EML6: variants seen among roughly 807,000 people sequenced by gnomAD.
EML6 encodes the protein EMAP like 6, also known as echinoderm microtubule-associated protein-like 6.
A neutral mutation model predicts 240.1 loss-of-function variants in EML6; 154 were observed. The observed-to-expected ratio is 0.64, with a 90% CI of 0.56 to 0.73. The LOEUF (loss-of-function observed/expected upper bound fraction) is 0.73. Among genes scored for constraint, EML6 ranks in the 30% least tolerant of loss-of-function variants. The pLI, the probability that EML6 is intolerant of heterozygous loss-of-function variation, is 0.00. For missense variants in EML6, 2,964 were observed against 2,474.6 expected (o/e 1.20, Z -4.20); for synonymous variants, 1,148 against 899.0 (o/e 1.28, Z -4.95).
At chr2:54,895,662 T>C (rs1325231906) in intron 21 of EML6, among the ~76,000 whole-genome samples, 1 of 152,232 alleles carries the variant, frequency 6.6e-6, no homozygotes, top group Non-Finnish European at 1.5e-5. Context: ...TTTTATAAGG[T>C]TGCAATAAAG....
At chr2:54,866,675 C>A in intron 13 of EML6, 91 bp from the exon 14 acceptor site, 2 of 605,876 alleles carry the variant, frequency 3.3e-6, no homozygotes, top group South Asian at 2.9e-5. Context: ...TTTATTGAAG[C>A]AATTAAAGAT....
intron 28 of EML6, among the ~76,000 whole-genome samples, chr2:54,947,540 C>T (rs899117601): frequency 2.2e-5 from 3 of 138,306 alleles, no homozygotes; most frequent in Non-Finnish European, 5.0e-5. Context: ...GCAGGCTGAC[C>T]TACCAAGAAA....
chr2:54,914,891 C>G lies in EML6; in HGVS notation c.3499-1868C>G, dbSNP rs547840187. On this transcript the variant is annotated intron_variant, in intron 25 of 41. Coordinates refer to ENST00000356458, the MANE Select transcript of EML6 (RefSeq NM_001039753.4). Reference sequence around the variant, plus strand: ...ATGCCCATTTCAAATCCATCTGATACAAATGGTACAGTTAAAGCAGCACCA... The same window carrying G: ...ATGCCCATTTCAAATCCATCTGATAGAAATGGTACAGTTAAAGCAGCACCA... 8.0e-4 allele frequency among the ~76,000 whole-genome samples: 122 copies of G among 152,218 alleles called. 2 individuals carry two copies. The highest frequency in any genetic ancestry group is 2.9e-3 in the African/African-American group (120 of 41,520).
rs1161369581 is a variant in EML6, at chr2:54,970,875, T to G, written c.*780T>G. On this transcript the variant is annotated 3_prime_UTR_variant, in exon 42 of 42. Coordinates refer to ENST00000356458, the MANE Select transcript of EML6 (RefSeq NM_001039753.4). ...CATCGGTTACCTGCTTATGGGAAGG[T>G]GAGCAGCAAAGGAATTGAAGTTCGG... 6.6e-6 allele frequency: 1 copy of G among 152,168 alleles called. No individual in the cohort carries two copies. Among genetic ancestry groups the G allele is most frequent in the Non-Finnish European group, 1.5e-5 (1 of 68,042 alleles). The allele number at this position is 152,168 out of a possible 1,614,324, so 9.4% of individuals were successfully genotyped here.
At chr2:54,932,323 G>A (rs564826138) in intron 28 of EML6, among the ~76,000 whole-genome samples, 22 of 152,194 alleles carry the variant, frequency 1.4e-4, no homozygotes, top group Admixed American at 3.3e-4. Flanking sequence ...CAGCTGCCAC[G>A]TGTGGTGTGT....
intron 7 of EML6, among the ~76,000 whole-genome samples, chr2:54,836,995 G>A (rs6545446): frequency 0.18 from 27,345 of 152,104 alleles, 2,466 homozygotes; most frequent in Admixed American, 0.21. Flanking sequence ...TTCCTGAGGG[G>A]CTGCAAGGGC....
chr2:54,738,531 A>G (rs1410124166), intron 2 of EML6, among the ~76,000 whole-genome samples: 1 of 152,174 alleles, frequency 6.6e-6, no homozygotes, highest in East Asian at 1.9e-4. Flanking sequence ...AAAAATCAAT[A>G]CCATCCATAC....
At position 54,832,743 on chromosome 2, in the gene EML6, C is replaced by A. The variant is rs531213127; in HGVS notation, c.847+3266C>A. Among the ~76,000 whole-genome samples the A allele has an allele frequency of 9.9e-5, 14 of 141,774 alleles. 1 individual carries two copies. In the South Asian group the frequency reaches 3.0e-3, roughly 30 times the overall value. The allele number at this position is 141,774 out of a possible 152,430, so 93.0% of individuals were successfully genotyped here. On this transcript the variant is annotated intron_variant, in intron 7 of 41. Coordinates refer to ENST00000356458, the MANE Select transcript of EML6 (RefSeq NM_001039753.4). Reference sequence around the variant, plus strand: ...ATGGTCAGGTGTCCTGTCCTCCCCACCCCCCCGCCAACCCCTCATCCCTTC... The same window carrying A: ...ATGGTCAGGTGTCCTGTCCTCCCCAACCCCCCGCCAACCCCTCATCCCTTC...
chr2:54,859,480 A>G (rs1670561988), intron 11 of EML6, 54 bp from the exon 12 acceptor site: 3 of 1,424,254 alleles, frequency 2.1e-6, no homozygotes, highest in Middle Eastern at 1.8e-4. Flanking sequence ...GTTGTTTTAA[A>G]CTAATGAACT....
intron 7 of EML6, among the ~76,000 whole-genome samples, chr2:54,842,470 G>C (rs1328976551): frequency 3.9e-5 from 6 of 152,074 alleles, no homozygotes; most frequent in Non-Finnish European, 5.9e-5. Flanking sequence ...ATATCTTAAG[G>C]GGAGAAAAAT....
chr2:54,831,455 G>T (rs1038357600), intron 7 of EML6, among the ~76,000 whole-genome samples: 2 of 152,088 alleles, frequency 1.3e-5, no homozygotes, highest in Non-Finnish European at 2.9e-5. Context: ...GTGTGGTACT[G>T]ATCACATCAG....
intron 2 of EML6, among the ~76,000 whole-genome samples, chr2:54,730,324 T>C (rs1335778475): frequency 6.6e-6 from 1 of 152,218 alleles, no homozygotes; most frequent in African/African-American, 2.4e-5. Context: ...GAGACAGGTC[T>C]AACAGCCATG....
intron 13 of EML6, among the ~76,000 whole-genome samples, chr2:54,864,770 T>G (rs1573027072): frequency 6.6e-6 from 1 of 152,354 alleles, no homozygotes; most frequent in South Asian, 2.1e-4. Context: ...TACCTAGGCT[T>G]ATCTCCAAAG....
At chr2:54,789,081 C>A (rs1007293052) in intron 2 of EML6, among the ~76,000 whole-genome samples, 1 of 152,158 alleles carries the variant, frequency 6.6e-6, no homozygotes, top group East Asian at 1.9e-4. Flanking sequence ...TTCATGTGTT[C>A]TGTCTCTGCT....
intron 26 of EML6, among the ~76,000 whole-genome samples, chr2:54,922,705 G>A (rs944756179): frequency 2.3e-4 from 35 of 152,132 alleles, no homozygotes; most frequent in African/African-American, 5.8e-4. Context: ...ACATGGTGGC[G>A]TATTATTCAC....
chr2:54,916,984 C>G (rs770091283), intron 26 of EML6, 49 bp downstream of exon 26: 1 of 1,370,524 alleles, frequency 7.3e-7, no homozygotes, highest in South Asian at 1.4e-5. Context: ...CCTTAATAAC[C>G]TTAAATATTG....
chr2:54,899,640 G>A lies in EML6; in HGVS notation c.2983-1G>A. ...ATGTTGCCCCTTTTCCTCTCCCACA[G>A]GGGCACATGGAAGGAGAAGTGTGGG... is the stretch of plus-strand genomic sequence containing the variant. On this transcript the variant is annotated splice_acceptor_variant, in intron 21 of 41. Coordinates refer to ENST00000356458, the MANE Select transcript of EML6 (RefSeq NM_001039753.4). LOFTEE classifies it high-confidence loss of function. 1.3e-6 allele frequency: 2 copies of A among 1,552,908 alleles called. No individual in the cohort carries two copies. The highest frequency in any genetic ancestry group is 1.7e-6 in the Non-Finnish European group (2 of 1,147,666).
chr2:54,839,368 A>G lies in EML6; in HGVS notation c.848-4679A>G, dbSNP rs146921433. On this transcript the variant is annotated intron_variant, in intron 7 of 41. Transcript: ENST00000356458. ...TTAAAATGGTTATCTAAGGAATGAGAGTGACCTGGTATTGTATCTATTGCC... is the reference window on the plus strand; with the variant it reads ...TTAAAATGGTTATCTAAGGAATGAGGGTGACCTGGTATTGTATCTATTGCC... 5.3e-5 allele frequency among the ~76,000 whole-genome samples: 8 copies of G among 152,314 alleles called. No individual in the cohort carries two copies. The East Asian group carries it at 1.2e-3, about 22-fold the overall frequency.
chr2:54,878,637 T>C (rs1366439489), intron 16 of EML6, among the ~76,000 whole-genome samples: 1 of 152,250 alleles, frequency 6.6e-6, no homozygotes, highest in Non-Finnish European at 1.5e-5. Flanking sequence ...TGGATAATTA[T>C]TATTCTCTTA....
Sources: allele counts gnomAD v4.1 joint callset (sites outside exome capture counted in the v4.1 genomes callset), GRCh38; gene constraint gnomAD v4.1.1; transcripts MANE v1.5; gene names NCBI Gene and HGNC (gene_info 2026-07-23, HGNC 2026-07-21).